Variants in CNTN6 observed in about 807,000 individuals in gnomAD.
The protein encoded by CNTN6 is contactin-6.
In CNTN6, 137 loss-of-function variants were observed where a neutral mutation model predicts 122.8. That is an observed-to-expected ratio of 1.12 (90% confidence interval 0.97 to 1.29). The LOEUF is 1.29. Among genes scored for constraint, CNTN6 ranks in the 50% most tolerant of loss-of-function variants. CNTN6 has a pLI of 0.00. For missense variants in CNTN6, 1,634 were observed against 1,223.4 expected, an observed-to-expected ratio of 1.34 and a Z score of -5.01; for synonymous variants, 570 against 426.0, an observed-to-expected ratio of 1.34 and a Z score of -4.16.
chr3:1,403,478 C>T lies in CNTN6; in HGVS notation c.*60C>T. ...AAGCAAATCATTCTGTATATATGCT[C>T]TCCAGCCTCTGACACAAGATGCGTT... On this transcript the variant is annotated 3_prime_UTR_variant, in exon 23 of 23. Coordinates refer to ENST00000446702, the MANE Select transcript of CNTN6 (RefSeq NM_001289080.2). 1 of 1,026,882 alleles carries T rather than the reference C, an allele frequency of 9.7e-7. No homozygotes were observed. Among genetic ancestry groups the T allele is most frequent in the Non-Finnish European group, 1.5e-6 (1 of 671,258 alleles). 63.6% of individuals were successfully genotyped at this position (1,026,882 alleles called of 1,614,324 possible). A position where few individuals can be genotyped will look rare whatever the true frequency, so the allele number is the denominator to read the frequency against.
chr3:1,390,513 G>C (rs1693957958), intron 20 of CNTN6, among the ~76,000 whole-genome samples: 1 of 151,760 alleles, frequency 6.6e-6, no homozygotes, highest in South Asian at 2.1e-4. Context: ...AGAAAAGCAA[G>C]AGCAAACACA....
intron 3 of CNTN6, 65 bp from the exon 4 acceptor site, chr3:1,227,753 T>C: frequency 6.6e-7 from 1 of 1,512,534 alleles, no homozygotes; most frequent in African/African-American, 1.7e-5. Context: ...GAACTACATG[T>C]TTTTTAAGAC....
intron 2 of CNTN6, among the ~76,000 whole-genome samples, chr3:1,170,283 TACTC>T (rs1473618782): frequency 6.0e-4 from 90 of 150,756 alleles, no homozygotes; most frequent in African/African-American, 1.7e-3. Flanking sequence ...TTAATATGCT[TACTC>T]ACACTATTCA....
In CNTN6 at chr3:1,250,064, C is replaced by T. The variant is rs112280553; in HGVS notation, c.358+22071C>T. 6.0e-3 allele frequency among the ~76,000 whole-genome samples: 908 copies of T among 152,070 alleles called. 7 individuals carry two copies. Among genetic ancestry groups the T allele is most frequent in the African/African-American group, 0.02 (815 of 41,494 alleles). On this transcript the variant is annotated intron_variant, in intron 4 of 22. Transcript: ENST00000446702. ...TTCAAACTTTAAAATTTATGATATT[C>T]CTCTTTGGCAAGTCTAGCTGACTAT...
At chr3:1,295,102 G>C (rs995016223) in intron 5 of CNTN6, among the ~76,000 whole-genome samples, 1 of 152,054 alleles carries the variant, frequency 6.6e-6, no homozygotes, top group Non-Finnish European at 1.5e-5. Context: ...AAATAAAAAA[G>C]AAATTATGTA....
At chr3:1,268,530 C>A (rs1212808825) in intron 4 of CNTN6, among the ~76,000 whole-genome samples, 1 of 147,790 alleles carries the variant, frequency 6.8e-6, no homozygotes, top group East Asian at 2.1e-4. Context: ...TGGCGTGAAC[C>A]CGGGAGGAGG....
chr3:1,125,048 A>G (rs1459455958), intron 1 of CNTN6, among the ~76,000 whole-genome samples: 1 of 151,994 alleles, frequency 6.6e-6, no homozygotes, highest in East Asian at 1.9e-4. Flanking sequence ...ATAAATGAAT[A>G]AATCAGCCTA....
chr3:1,227,714 T>G (rs1431888139), intron 3 of CNTN6, 104 bp from the exon 4 acceptor site: 2 of 1,217,320 alleles, frequency 1.6e-6, no homozygotes, highest in Non-Finnish European at 1.2e-6. Context: ...AATCATGTTT[T>G]TTGGTGTTTT....
intron 11 of CNTN6, among the ~76,000 whole-genome samples, chr3:1,341,728 G>A (rs1198863095): frequency 1.3e-5 from 2 of 152,124 alleles, no homozygotes; most frequent in Non-Finnish European, 2.9e-5. Context: ...AAATTTAGAG[G>A]TCTGAATATT....
chr3:1,295,689 G>C lies in CNTN6; in HGVS notation c.543G>C (p.Leu181Phe), dbSNP rs759247374. ...RRFVSQETGN[L>F]YIAKVEPSDV... The stretch of plus-strand genomic sequence containing the variant: ...TTGTATCTCAAGAGACGGGAAACTT[G>C]TACATTGCCAAAGTGGAACCATCAG... Residue 181 changes from leucine (L) to phenylalanine (F), a missense_variant, in exon 6 of 23, where the codon TTG becomes TTC. Transcript: ENST00000446702. 6.2e-7 allele frequency: 1 copy of C among 1,614,050 alleles called. No individual in the cohort carries two copies. The highest frequency in any genetic ancestry group is 1.1e-5 in the South Asian group (1 of 91,076).
At chr3:1,237,792 G>C (rs116325573) in intron 4 of CNTN6, among the ~76,000 whole-genome samples, 3,254 of 152,184 alleles carry the variant, frequency 0.021, 117 homozygotes, top group African/African-American at 0.075. Context: ...TTTGTATCCA[G>C]TTAAAGTAAG....
At chr3:1,252,126 T>C (rs1319274201) in intron 4 of CNTN6, among the ~76,000 whole-genome samples, 2 of 152,196 alleles carry the variant, frequency 1.3e-5, no homozygotes, top group Non-Finnish European at 2.9e-5. Flanking sequence ...GTTTTGGCCT[T>C]TTATTTTTAT....
intron 4 of CNTN6, among the ~76,000 whole-genome samples, chr3:1,276,317 A>G (rs1370435868): frequency 6.6e-6 from 1 of 152,220 alleles, no homozygotes; most frequent in Non-Finnish European, 1.5e-5. Flanking sequence ...TTTAAAGAAC[A>G]TGACACTAAG....
At chr3:1,220,268 A>G (rs1200901550) in intron 2 of CNTN6, among the ~76,000 whole-genome samples, 2 of 152,224 alleles carry the variant, frequency 1.3e-5, no homozygotes, top group Admixed American at 1.3e-4. Flanking sequence ...CCCAGGAGTT[A>G]GAGGCTTCTG....
At chr3:1,128,772 G>A (rs987851494) in intron 1 of CNTN6, among the ~76,000 whole-genome samples, 2 of 151,622 alleles carry the variant, frequency 1.3e-5, no homozygotes, top group Admixed American at 6.6e-5. Flanking sequence ...TGTTTCTAAA[G>A]TTTTTAAAAA....
intron 14 of CNTN6, among the ~76,000 whole-genome samples, chr3:1,373,352 T>A (rs939937772): frequency 3.9e-5 from 6 of 152,132 alleles, no homozygotes; most frequent in Non-Finnish European, 7.4e-5. Flanking sequence ...TGGTTCTCAA[T>A]CTTTGAGTAT....
chr3:1,189,726 G>C (rs1003660479), intron 2 of CNTN6, among the ~76,000 whole-genome samples: 3 of 152,076 alleles, frequency 2.0e-5, no homozygotes, highest in African/African-American at 7.2e-5. Flanking sequence ...GGCCACATCT[G>C]AACCCAATGG....
intron 2 of CNTN6, chr3:1,173,305 C>T (rs750276759): frequency 1.5e-5 from 7 of 456,564 alleles, no homozygotes; most frequent in South Asian, 7.7e-5. Context: ...TATCACCTGG[C>T]GGTTTGCAAA....
intron 6 of CNTN6, among the ~76,000 whole-genome samples, chr3:1,296,082 A>T (rs1696179699): frequency 6.6e-6 from 1 of 152,092 alleles, no homozygotes; most frequent in African/African-American, 2.4e-5. Flanking sequence ...AACAAAAACG[A>T]TGTTCCGGGG....
Sources: allele counts gnomAD v4.1 joint callset (sites outside exome capture counted in the v4.1 genomes callset), GRCh38; gene constraint gnomAD v4.1.1; transcripts MANE v1.5; gene names NCBI Gene and HGNC (gene_info 2026-07-23, HGNC 2026-07-21).